STXBP6: variants seen among roughly 807,000 people sequenced by gnomAD.
The protein encoded by STXBP6 is syntaxin binding protein 6.
Under a neutral mutation model 26.9 loss-of-function variants are expected in STXBP6, and 21 were observed. The observed-to-expected ratio is 0.78, with a 90% confidence interval of 0.55 to 1.12. The LOEUF is 1.12. Ranked by LOEUF, STXBP6 falls within the 50% of genes most tolerant of loss-of-function variation. The pLI is 0.00. For missense variants in STXBP6, 232 were observed against 257.9 expected, an observed-to-expected ratio of 0.90 and a Z score of 0.69; for synonymous variants, 97 against 92.6, an observed-to-expected ratio of 1.05 and a Z score of -0.27.
chr14:24,933,042 T>C (rs2072473576), intron 2 of STXBP6, among the ~76,000 whole-genome samples: 1 of 152,156 alleles, frequency 6.6e-6, no homozygotes, highest in South Asian at 2.1e-4. Context: ...ACAGATAATA[T>C]TTGAAGTCAC....
At chr14:24,911,046 T>G (rs1293226731) in intron 2 of STXBP6, among the ~76,000 whole-genome samples, 1 of 152,098 alleles carries the variant, frequency 6.6e-6, no homozygotes, top group Non-Finnish European at 1.5e-5. Flanking sequence ...GAAAACAGGC[T>G]AGGTGCATTG....
intron 2 of STXBP6, among the ~76,000 whole-genome samples, chr14:24,956,046 G>A (rs4981564): frequency 0.46 from 70,139 of 152,018 alleles, 16,405 homozygotes; most frequent in African/African-American, 0.5. Context: ...TTTTGCAGCT[G>A]TTGGCTACTT....
intron 2 of STXBP6, among the ~76,000 whole-genome samples, chr14:24,969,955 A>G (rs1367225817): frequency 6.6e-6 from 1 of 152,098 alleles, no homozygotes; most frequent in Non-Finnish European, 1.5e-5. Flanking sequence ...AAAGTAATCA[A>G]TTTCGGCCGG....
At chr14:25,029,491 G>A (rs895801257) in intron 1 of STXBP6, among the ~76,000 whole-genome samples, 2 of 152,118 alleles carry the variant, frequency 1.3e-5, no homozygotes, top group African/African-American at 4.8e-5. Context: ...TCAGTATAGT[G>A]TAAACATAAT....
intron 1 of STXBP6, among the ~76,000 whole-genome samples, chr14:24,998,707 TGTAA>T (rs1221861440): frequency 6.6e-6 from 1 of 152,216 alleles, no homozygotes; most frequent in East Asian, 1.9e-4. Flanking sequence ...ACACTGAAGA[TGTAA>T]GTGTTACTAC....
chr14:24,926,889 T>C (rs2072192677), intron 2 of STXBP6, among the ~76,000 whole-genome samples: 1 of 152,132 alleles, frequency 6.6e-6, no homozygotes, highest in South Asian at 2.1e-4. Flanking sequence ...CTTAGAATTA[T>C]ACCTCGAGAA....
chr14:24,906,858 G>A (rs534042148), intron 2 of STXBP6, among the ~76,000 whole-genome samples: 40 of 152,152 alleles, frequency 2.6e-4, no homozygotes, highest in African/African-American at 8.4e-4. Flanking sequence ...AAAGAAAGCA[G>A]AAACTACTCA....
chr14:24,853,716 C>T (rs2069233715), intron 4 of STXBP6, among the ~76,000 whole-genome samples: 1 of 152,070 alleles, frequency 6.6e-6, no homozygotes, highest in African/African-American at 2.4e-5. Context: ...TTAACTTATT[C>T]TAATTTTTTC....
chr14:24,970,782 G>T (rs867286610), intron 2 of STXBP6, among the ~76,000 whole-genome samples: 7 of 152,136 alleles, frequency 4.6e-5, no homozygotes, highest in Admixed American at 2.0e-4. Context: ...AAACTGCCAA[G>T]TTGTTTACTA....
chr14:25,043,051 A>G (rs1467706), intron 1 of STXBP6, among the ~76,000 whole-genome samples: 150,732 of 152,340 alleles, frequency 0.99, 74,580 homozygotes, highest in Middle Eastern at 1. Context: ...ATCTTAAGGC[A>G]GAAGCTAAAC....
At chr14:24,961,022 G>A (rs2073519367) in intron 2 of STXBP6, among the ~76,000 whole-genome samples, 1 of 152,138 alleles carries the variant, frequency 6.6e-6, no homozygotes, top group Non-Finnish European at 1.5e-5. Context: ...ATTTTTTCGT[G>A]TAAACATTGG....
intron 2 of STXBP6, among the ~76,000 whole-genome samples, chr14:24,887,320 C>A (rs567718830): frequency 6.6e-6 from 1 of 152,204 alleles, no homozygotes; most frequent in African/African-American, 2.4e-5. Flanking sequence ...GAATTCTCAA[C>A]AAAAAGTAAG....
chr14:25,021,940 G>A (rs985046843), intron 1 of STXBP6, among the ~76,000 whole-genome samples: 1 of 152,066 alleles, frequency 6.6e-6, no homozygotes, highest in Non-Finnish European at 1.5e-5. Context: ...CAGATCCTAG[G>A]CATCAAGGGA....
chr14:25,003,863 G>T (rs560239941), intron 1 of STXBP6, among the ~76,000 whole-genome samples: 2 of 152,328 alleles, frequency 1.3e-5, no homozygotes, highest in African/African-American at 4.8e-5. Flanking sequence ...GTTCCCCAGG[G>T]AAAGACCTAT....
intron 2 of STXBP6, among the ~76,000 whole-genome samples, chr14:24,860,053 C>A (rs551853940): frequency 6.6e-6 from 1 of 152,192 alleles, no homozygotes; most frequent in South Asian, 2.1e-4. Context: ...GTGACACAAA[C>A]TATTATGTCC....
intron 1 of STXBP6, among the ~76,000 whole-genome samples, chr14:25,013,465 T>TTCAC (rs2075076805): frequency 1.0e-5 from 1 of 100,018 alleles, no homozygotes; most frequent in Non-Finnish European, 2.0e-5. Flanking sequence ...ACATCTCTCT[T>TTCAC]TCACACACAC....
At chr14:24,890,491 T>C (rs1347606568) in intron 2 of STXBP6, among the ~76,000 whole-genome samples, 1 of 151,232 alleles carries the variant, frequency 6.6e-6, no homozygotes, top group Non-Finnish European at 1.5e-5. Flanking sequence ...TCAAGAAAAC[T>C]AAAAAAAAAT....
chr14:24,964,645 T>A lies in STXBP6; in HGVS notation c.154+10020A>T, dbSNP rs1054982182. Among the ~76,000 whole-genome samples the A allele has an allele frequency of 1.9e-4, 19 of 102,054 alleles. No individual in the cohort carries two copies. In the East Asian group the frequency reaches 4.4e-3, roughly 24 times the overall value. The allele number at this position is 102,054 out of a possible 152,430, so 67.0% of individuals were successfully genotyped here. ...CATGACAGAGCTAGTACAGTTCTCA[T>A]TCTGTGTGTGTGTGTGTGTGTGTGT... is the stretch of plus-strand genomic sequence containing the variant. On this transcript the variant is annotated intron_variant, in intron 2 of 5. Transcript: ENST00000323944.
intron 2 of STXBP6, among the ~76,000 whole-genome samples, chr14:24,880,115 T>C (rs1186064522): frequency 1.3e-5 from 2 of 152,174 alleles, no homozygotes; most frequent in Non-Finnish European, 2.9e-5. Context: ...ATCTGTCTTC[T>C]CTCCTTGTCA....
Sources: gnomAD v4.1 joint callset for allele counts (sites outside exome capture counted in the v4.1 genomes callset) on GRCh38, gnomAD v4.1.1 for gene constraint, MANE v1.5 for transcripts, NCBI Gene and HGNC (gene_info 2026-07-23, HGNC 2026-07-21) for gene names.